The following KLHL5 variants were observed in gnomAD, a reference collection of about 807,000 sequenced individuals.
KLHL5 encodes the protein kelch like family member 5.
Under a neutral mutation model 77.7 loss-of-function variants are expected in KLHL5, and 48 were observed. That is an observed-to-expected ratio of 0.62 (90% CI 0.49 to 0.79). The LOEUF (loss-of-function observed/expected upper bound fraction) is 0.79. Ranked by LOEUF, KLHL5 falls within the 30% of genes least tolerant of loss-of-function variation. KLHL5 has a pLI of 0.00. For missense variants in KLHL5, 723 were observed against 859.7 expected (o/e 0.84, Z 1.99); for synonymous variants, 260 against 297.0 (o/e 0.88, Z 1.28).
rs139075962 is a variant in KLHL5, at chr4:39,122,017, TCAAA to T, written c.*954_*957del. 1.8e-4 allele frequency: 28 copies of T among 152,772 alleles called. No individual in the cohort carries two copies. Among genetic ancestry groups the T allele is most frequent in the African/African-American group, 6.5e-4 (27 of 41,590 alleles). The allele number at this position is 152,772 out of a possible 1,614,324, so 9.5% of individuals were successfully genotyped here. Reference sequence around the variant, plus strand: ...GTTAACCCATTGTGCTTCTTTGTAATCAAACAGTTTGTGGGAGAATGGGCTTATT... The same window carrying T: ...GTTAACCCATTGTGCTTCTTTGTAATCAGTTTGTGGGAGAATGGGCTTATT... On this transcript the variant is annotated 3_prime_UTR_variant, in exon 11 of 11. Transcript: ENST00000504108.
intron 9 of KLHL5, among the ~76,000 whole-genome samples, chr4:39,114,835 A>G (rs1006040472): frequency 1.3e-5 from 2 of 152,224 alleles, no homozygotes; most frequent in African/African-American, 2.4e-5. Context: ...GACAGCTACA[A>G]TGATTGAGGG....
At chr4:39,050,347 T>C (rs1048924599) in intron 1 of KLHL5, among the ~76,000 whole-genome samples, 1 of 152,174 alleles carries the variant, frequency 6.6e-6, no homozygotes, top group Non-Finnish European at 1.5e-5. Context: ...AAAAGGAATA[T>C]AGTTTGTATC....
intron 1 of KLHL5, among the ~76,000 whole-genome samples, chr4:39,049,924 T>A (rs2566111): frequency 0.73 from 110,368 of 151,268 alleles, 40,387 homozygotes; most frequent in East Asian, 0.82. Flanking sequence ...TTACAAAAAA[T>A]ATTAGCTGGG....
At chr4:39,059,759 C>T (rs113745173), upstream of KLHL5, among the ~76,000 whole-genome samples, 3 of 152,018 alleles carry the variant, frequency 2.0e-5, no homozygotes, top group East Asian at 1.9e-4. Flanking sequence ...ATTAGCTGGA[C>T]ATGGTGGTGT....
intron 6 of KLHL5, among the ~76,000 whole-genome samples, chr4:39,098,886 C>T (rs1321826867): frequency 1.3e-5 from 2 of 150,522 alleles, no homozygotes; most frequent in African/African-American, 4.9e-5. Flanking sequence ...TAAAACAGTT[C>T]AGGAAAAAAA....
intron 1 of KLHL5, among the ~76,000 whole-genome samples, chr4:39,073,314 T>G (rs1424344356): frequency 1.3e-5 from 2 of 152,168 alleles, no homozygotes; most frequent in African/African-American, 4.8e-5. Context: ...GATGATAGTA[T>G]TACAAAGTTC....
At chr4:39,131,401 A>C (rs1723796625), downstream of KLHL5, among the ~76,000 whole-genome samples, 1 of 152,202 alleles carries the variant, frequency 6.6e-6, no homozygotes, top group South Asian at 2.1e-4. Flanking sequence ...TATTTGTGAG[A>C]GTCTAAAATG....
chr4:39,057,100 T>TA (rs1392115410), intron 1 of KLHL5, among the ~76,000 whole-genome samples: 3 of 152,238 alleles, frequency 2.0e-5, no homozygotes. Context: ...AGGACATACT[T>TA]ACCTCTTCTT....
At chr4:39,075,335 C>CA (rs10718590) in intron 1 of KLHL5, among the ~76,000 whole-genome samples, 4,044 of 139,916 alleles carry the variant, frequency 0.029, 179 homozygotes, top group African/African-American at 0.099. Flanking sequence ...CCGTCTCAAA[C>CA]AAAAAAAAAA....
chr4:39,085,524 A>C (rs1288136759), intron 4 of KLHL5, among the ~76,000 whole-genome samples: 1 of 152,236 alleles, frequency 6.6e-6, no homozygotes, highest in East Asian at 1.9e-4. Flanking sequence ...TTAAGGGACA[A>C]TATGTGTCTA....
chr4:39,069,714 A>G (rs1165394232), intron 1 of KLHL5, among the ~76,000 whole-genome samples: 2 of 151,960 alleles, frequency 1.3e-5, no homozygotes, highest in African/African-American at 4.8e-5. Context: ...GTGTTTTTAA[A>G]ATAAAAATCT....
Position 39,116,025 on chromosome 4 carries a change from G to A in KLHL5, c.2073+695G>A, listed in dbSNP as rs1722807742. ...TCTTGTATACAAGGAGCCATGATAA[G>A]TATGGTCAAGAAAACAAAGCTTCTA... On this transcript the variant is annotated intron_variant, in intron 10 of 10. Coordinates refer to ENST00000504108, the MANE Select transcript of KLHL5 (RefSeq NM_015990.5). The A allele has an allele frequency of 6.1e-6, 6 of 985,440 alleles. No homozygotes were observed. The Middle Eastern group carries it at 1.5e-3, about 254-fold the overall frequency. The allele number at this position is 985,440 out of a possible 1,614,324, so 61.0% of individuals were successfully genotyped here.
At chr4:39,073,910 C>T (rs1046206979) in intron 1 of KLHL5, among the ~76,000 whole-genome samples, 1 of 151,746 alleles carries the variant, frequency 6.6e-6, no homozygotes, top group Non-Finnish European at 1.5e-5. Flanking sequence ...TCATGATCTA[C>T]CCTCCTCGGC....
At chr4:39,056,122 T>TTG (rs1256879058) in intron 1 of KLHL5, among the ~76,000 whole-genome samples, 1 of 152,168 alleles carries the variant, frequency 6.6e-6, no homozygotes, top group Non-Finnish European at 1.5e-5. Flanking sequence ...TGAATTTAAA[T>TTG]TGTGTGTGTG....
At chr4:39,087,221 A>G (rs1320633771) in intron 5 of KLHL5, among the ~76,000 whole-genome samples, 1 of 152,148 alleles carries the variant, frequency 6.6e-6, no homozygotes, top group Non-Finnish European at 1.5e-5. Context: ...TCAATTAAGT[A>G]ACATTCTTGA....
chr4:39,095,925 C>T (rs921250723), intron 5 of KLHL5, among the ~76,000 whole-genome samples: 4 of 151,684 alleles, frequency 2.6e-5, no homozygotes, highest in Non-Finnish European at 5.9e-5. Context: ...CAGAGGTTTG[C>T]ATAAATATGA....
At chr4:39,142,543 T>A in the KLHL5 span, among the ~76,000 whole-genome samples, 14 of 152,108 alleles carry the variant, frequency 9.2e-5, no homozygotes, top group African/African-American at 3.4e-4. Context: ...CATGGACTCA[T>A]CCTATGATCC....
Position 39,081,334 on chromosome 4 carries a change from C to A in KLHL5, c.703+95C>A. On this transcript the variant is annotated intron_variant, in intron 3 of 10. Coordinates refer to ENST00000504108, the MANE Select transcript of KLHL5 (RefSeq NM_015990.5). The surrounding 1 kb of genome is among the most constrained non-coding windows in gnomAD (Gnocchi z 4.3). Reference sequence around the variant, plus strand: ...TTTTTAGAAAGCATGCCATAGCTAACAGTTAGTTCTGCTATTGTCATTACT... The same window carrying A: ...TTTTTAGAAAGCATGCCATAGCTAAAAGTTAGTTCTGCTATTGTCATTACT... The A allele has an allele frequency of 9.5e-7, 1 of 1,056,688 alleles. No individual in the cohort carries two copies. The highest frequency in any genetic ancestry group is 2.7e-5 in the East Asian group (1 of 37,610). The allele number at this position is 1,056,688 out of a possible 1,614,324, so 65.5% of individuals were successfully genotyped here.
intron 1 of KLHL5, among the ~76,000 whole-genome samples, chr4:39,052,246 G>C (rs779001558): frequency 6.6e-6 from 1 of 151,710 alleles, no homozygotes. Flanking sequence ...TCAGCCTCCC[G>C]AGTAGCAGAG....
Sources: gnomAD v4.1 joint callset for allele counts (sites outside exome capture counted in the v4.1 genomes callset) on GRCh38, gnomAD v4.1.1 for gene constraint, Gnocchi (gnomAD v3.1) non-coding constraint, MANE v1.5 for transcripts, NCBI Gene and HGNC (gene_info 2026-07-23, HGNC 2026-07-21) for gene names.